The following TBC1D22A variants were observed in gnomAD, a reference collection of about 807,000 sequenced individuals.
TBC1D22A encodes the protein TBC1 domain family member 22A.
A neutral mutation model predicts 60.2 loss-of-function variants in TBC1D22A; 38 were observed. That is an observed-to-expected ratio of 0.63 (90% CI 0.49 to 0.83). The LOEUF (loss-of-function observed/expected upper bound fraction) is 0.83, where lower values mean the gene tolerates loss of function less well. TBC1D22A is among the 40% of genes least tolerant of loss of function. The probability of loss-of-function intolerance (pLI) is 0.00; values close to 1 mark genes in which losing one functional copy is unlikely to be tolerated. For synonymous variants in TBC1D22A, 302 were observed against 281.7 expected (o/e 1.07, Z -0.72); for missense variants, 628 against 701.0 (o/e 0.90, Z 1.18).
chr22:46,888,572 C>T (rs1169729579), intron 5 of TBC1D22A, among the ~76,000 whole-genome samples: 1 of 152,198 alleles, frequency 6.6e-6, no homozygotes, highest in Non-Finnish European at 1.5e-5. Context: ...ACCAGCCCCA[C>T]CTCGTGGGAG....
At chr22:46,842,670 G>A (rs1214174068) in intron 4 of TBC1D22A, among the ~76,000 whole-genome samples, 3 of 152,250 alleles carry the variant, frequency 2.0e-5, no homozygotes, top group African/African-American at 7.2e-5. Flanking sequence ...TGTGCAGCGC[G>A]ATCTCCGATC....
At chr22:47,155,337 GCT>G (rs1439580035) in intron 12 of TBC1D22A, among the ~76,000 whole-genome samples, 1 of 152,218 alleles carries the variant, frequency 6.6e-6, no homozygotes, top group Non-Finnish European at 1.5e-5. Flanking sequence ...GGGCTGGCCA[GCT>G]CTGGCAGCTG....
At chr22:46,935,235 C>T (rs1235289428) in intron 8 of TBC1D22A, among the ~76,000 whole-genome samples, 2 of 152,224 alleles carry the variant, frequency 1.3e-5, no homozygotes, top group African/African-American at 4.8e-5. Context: ...ACCTTCTCTC[C>T]TGTAGCTCAC....
At chr22:47,018,518 C>T (rs1170689975) in intron 10 of TBC1D22A, among the ~76,000 whole-genome samples, 2 of 152,114 alleles carry the variant, frequency 1.3e-5, no homozygotes, top group Admixed American at 6.5e-5. Flanking sequence ...GGAACCAGTC[C>T]GTCTGTCCGT....
rs559135562 is a variant in TBC1D22A at position 47,017,947 on chromosome 22, T to A, written c.1202-19124T>A. 2.6e-5 allele frequency among the ~76,000 whole-genome samples: 4 copies of A among 152,368 alleles called. No homozygotes were observed. The South Asian group carries it at 8.3e-4, about 32-fold the overall frequency. On this transcript the variant is annotated intron_variant, in intron 10 of 12. Coordinates refer to ENST00000337137, the MANE Select transcript of TBC1D22A (RefSeq NM_014346.5). Reference sequence around the variant, plus strand: ...GCGAACGTCCCTTTAATACGTTCCATTCCTGCATGCTGCCTGTGGACACCT... The same window carrying A: ...GCGAACGTCCCTTTAATACGTTCCAATCCTGCATGCTGCCTGTGGACACCT...
intron 4 of TBC1D22A, among the ~76,000 whole-genome samples, chr22:46,857,686 C>G (rs1282077882): frequency 1.3e-5 from 2 of 151,848 alleles, no homozygotes; most frequent in Non-Finnish European, 2.9e-5. Context: ...CCCCAGGCAA[C>G]CAGGAATCTG....
At chr22:47,149,825 G>A (rs1207594844) in intron 12 of TBC1D22A, among the ~76,000 whole-genome samples, 1 of 152,202 alleles carries the variant, frequency 6.6e-6, no homozygotes, top group Non-Finnish European at 1.5e-5. Context: ...TACTCGTTGT[G>A]GACTGGGGTG....
intron 8 of TBC1D22A, among the ~76,000 whole-genome samples, chr22:46,935,666 G>A (rs982639956): frequency 6.6e-6 from 1 of 152,196 alleles, no homozygotes; most frequent in Non-Finnish European, 1.5e-5. Context: ...TGTGCTATGG[G>A]CCGTCTGTGG....
chr22:46,968,638 C>T (rs1036935689), intron 8 of TBC1D22A, among the ~76,000 whole-genome samples: 7 of 151,914 alleles, frequency 4.6e-5, no homozygotes, highest in African/African-American at 1.5e-4. Flanking sequence ...AGTGGGCAGG[C>T]GTCCTCACTG....
At chr22:46,878,606 A>G in intron 4 of TBC1D22A, 47 bp from the exon 5 acceptor site, 2 of 1,587,334 alleles carry the variant, frequency 1.3e-6, no homozygotes, top group Non-Finnish European at 8.6e-7. Flanking sequence ...GAGGTTTGCT[A>G]ACCTTTTGCA....
intron 8 of TBC1D22A, among the ~76,000 whole-genome samples, chr22:46,936,742 T>G (rs2071681416): frequency 6.6e-6 from 1 of 152,186 alleles, no homozygotes. Context: ...GGGCAGAAAG[T>G]TATTCTTGAG....
At chr22:46,954,423 G>A (rs2073081379) in intron 8 of TBC1D22A, among the ~76,000 whole-genome samples, 2 of 152,228 alleles carry the variant, frequency 1.3e-5, no homozygotes, top group Admixed American at 6.5e-5. Context: ...TGGATTTTGT[G>A]CAGGTCAGAT....
chr22:46,808,601 CT>C (rs1042477345), intron 4 of TBC1D22A, among the ~76,000 whole-genome samples: 116 of 144,654 alleles, frequency 8.0e-4, no homozygotes, highest in Non-Finnish European at 7.9e-4. Context: ...GTTTAGCCAG[CT>C]TTTTTTTTTT....
At chr22:46,786,552 TC>T (rs951864981) in intron 1 of TBC1D22A, among the ~76,000 whole-genome samples, 7 of 152,252 alleles carry the variant, frequency 4.6e-5, no homozygotes, top group Non-Finnish European at 8.8e-5. Flanking sequence ...TACCTCCTTT[TC>T]TAGGTTTTGG....
Position 47,174,883 on chromosome 22 carries a change from TGGGACTG to T in TBC1D22A, c.*1259_*1265del, listed in dbSNP as rs1187101503. 6.6e-6 allele frequency: 1 copy of T among 152,284 alleles called. No homozygotes were observed. Among genetic ancestry groups the T allele is most frequent in the African/African-American group, 2.4e-5 (1 of 41,444 alleles). 9.4% of individuals were successfully genotyped at this position (152,284 alleles called of 1,614,324 possible). ...GCTGTGTCCTTGGCTCCAGGGGCCT[TGGGACTG>T]GCTTCCCAGCGTTCCCTCGGTGTGT... On this transcript the variant is annotated 3_prime_UTR_variant, in exon 13 of 13. Coordinates refer to ENST00000337137, the MANE Select transcript of TBC1D22A (RefSeq NM_014346.5).
rs550915766 is a variant in TBC1D22A at position 47,123,357 on chromosome 22, C to T, written c.1425+11754C>T. Among the ~76,000 whole-genome samples, 6 of 152,292 alleles carry T rather than the reference C, an allele frequency of 3.9e-5. No individual in the cohort carries two copies. The South Asian group carries it at 8.3e-4, about 21-fold the overall frequency. On this transcript the variant is annotated intron_variant, in intron 12 of 12. Transcript: ENST00000337137. ...TTTGCACCCAGCCGAGCACCTGGCG[C>T]GTGGTCGGAATGGAAGGGCTGTTTC...
intron 8 of TBC1D22A, among the ~76,000 whole-genome samples, chr22:46,937,019 GTTC>G (rs2071695607): frequency 2.0e-5 from 3 of 152,160 alleles, no homozygotes; most frequent in Admixed American, 2.0e-4. Flanking sequence ...GACAGATAGG[GTTC>G]TTCTGTGGTC....
At chr22:47,035,845 C>T (rs894357540) in intron 10 of TBC1D22A, among the ~76,000 whole-genome samples, 2 of 152,204 alleles carry the variant, frequency 1.3e-5, no homozygotes, top group African/African-American at 4.8e-5. Context: ...TAGTAGAGCT[C>T]CTGGTCCGTC....
intron 4 of TBC1D22A, among the ~76,000 whole-genome samples, chr22:46,825,392 C>G (rs1006251467): frequency 1.3e-5 from 2 of 152,182 alleles, no homozygotes; most frequent in Admixed American, 6.5e-5. Context: ...GCCCGTCTCC[C>G]TTTACCAGGA....
Sources: gnomAD v4.1 joint callset for allele counts (sites outside exome capture counted in the v4.1 genomes callset) on GRCh38, gnomAD v4.1.1 for gene constraint, MANE v1.5 for transcripts, NCBI Gene and HGNC (gene_info 2026-07-23, HGNC 2026-07-21) for gene names.